TMEM71: variants seen among roughly 807,000 people sequenced by gnomAD.
The protein encoded by TMEM71 is transmembrane protein 71.
A neutral mutation model predicts 38.0 loss-of-function variants in TMEM71; 44 were observed. The observed-to-expected ratio is 1.16, with a 90% CI of 0.91 to 1.49. The LOEUF (loss-of-function observed/expected upper bound fraction) is 1.49. Among genes scored for constraint, TMEM71 ranks in the 40% most tolerant of loss-of-function variants. The pLI is 0.00. For missense variants in TMEM71, 367 were observed against 348.6 expected (o/e 1.05, Z -0.42); for synonymous variants, 133 against 122.5 (o/e 1.09, Z -0.56).
At chr8:132,742,730 G>A (rs1010125894) in intron 5 of TMEM71, among the ~76,000 whole-genome samples, 2 of 152,108 alleles carry the variant, frequency 1.3e-5, no homozygotes, top group Admixed American at 6.5e-5. Context: ...ATAACATATC[G>A]AAGTAGACCT....
chr8:132,737,197 T>C (rs918422840), intron 5 of TMEM71, among the ~76,000 whole-genome samples: 4 of 152,296 alleles, frequency 2.6e-5, no homozygotes, highest in African/African-American at 9.6e-5. Context: ...GGCCTCCCTG[T>C]GACTATACTA....
At chr8:132,720,286 T>G (rs1826768124) in intron 7 of TMEM71, among the ~76,000 whole-genome samples, 1 of 152,164 alleles carries the variant, frequency 6.6e-6, no homozygotes, top group Non-Finnish European at 1.5e-5. Flanking sequence ...GGATTAAGAG[T>G]TAAGCTCCGC....
intron 6 of TMEM71, among the ~76,000 whole-genome samples, chr8:132,725,740 C>A (rs182291899): frequency 6.6e-6 from 1 of 152,036 alleles, no homozygotes; most frequent in African/African-American, 2.4e-5. Context: ...GGAATCAAGG[C>A]GAAGTGAAGC....
chr8:132,722,448 C>T (rs1826910329), intron 6 of TMEM71, among the ~76,000 whole-genome samples: 1 of 152,180 alleles, frequency 6.6e-6, no homozygotes, highest in Admixed American at 6.5e-5. Flanking sequence ...CTAATTCTGT[C>T]ATTGTGATAA....
Position 132,741,536 on chromosome 8 carries a change from G to T in TMEM71, c.487+5406C>A, listed in dbSNP as rs897733623. Among the ~76,000 whole-genome samples, 52 of 151,040 alleles carry T rather than the reference G, an allele frequency of 3.4e-4. 2 individuals carry two copies. Among genetic ancestry groups the T allele is most frequent in the Non-Finnish European group, 1.2e-4 (8 of 67,528 alleles). Reference sequence around the variant, plus strand: ...GTAAAGAGTGTGAGTCATCTCCAATGATAGGTAAGGTCACGTGGGTCACGT... The same window carrying T: ...GTAAAGAGTGTGAGTCATCTCCAATTATAGGTAAGGTCACGTGGGTCACGT... On this transcript the variant is annotated intron_variant, in intron 5 of 9. Transcript: ENST00000677595.
At chr8:132,754,459 C>A (rs1320672491) in intron 3 of TMEM71, among the ~76,000 whole-genome samples, 1 of 152,168 alleles carries the variant, frequency 6.6e-6, no homozygotes, top group Non-Finnish European at 1.5e-5. Context: ...TGGTTTCAAT[C>A]CTGGCTCTAC....
the TMEM71 span, among the ~76,000 whole-genome samples, chr8:132,766,979 A>G: frequency 6.6e-6 from 1 of 152,196 alleles, no homozygotes; most frequent in Non-Finnish European, 1.5e-5. Flanking sequence ...ATACCAGAAC[A>G]GAGATGGAGT....
chr8:132,713,586 G>A (rs1227573605), intron 9 of TMEM71, among the ~76,000 whole-genome samples: 3 of 152,134 alleles, frequency 2.0e-5, no homozygotes, highest in Non-Finnish European at 4.4e-5. Flanking sequence ...CACACAAGGG[G>A]ATCATTAAAT....
intron 5 of TMEM71, among the ~76,000 whole-genome samples, chr8:132,728,448 T>C (rs1044565564): frequency 6.6e-6 from 1 of 152,194 alleles, no homozygotes; most frequent in East Asian, 1.9e-4. Flanking sequence ...CATGATTCAA[T>C]ACCCTCCCAC....
At chr8:132,731,757 A>G (rs536617071) in intron 5 of TMEM71, among the ~76,000 whole-genome samples, 1 of 152,318 alleles carries the variant, frequency 6.6e-6, no homozygotes, top group South Asian at 2.1e-4. Flanking sequence ...CAAGAAGGTG[A>G]TTTTTACCAT....
At position 132,722,026 on chromosome 8, in the gene TMEM71, A is replaced by G; in HGVS notation, c.752+14T>C. 6.2e-7 allele frequency: 1 copy of G among 1,609,380 alleles called. No individual in the cohort carries two copies. Among genetic ancestry groups the G allele is most frequent in the Non-Finnish European group, 8.5e-7 (1 of 1,175,602 alleles). ...TTATGAAATACCGCTGCATGAAAAT[A>G]AAACGTGAATTACCTTGCACATGCA... On this transcript the variant is annotated intron_variant, in intron 7 of 9. Transcript: ENST00000677595.
intron 2 of TMEM71, among the ~76,000 whole-genome samples, chr8:132,757,825 CAAAAAAA>C (rs56859505): frequency 1.9e-5 from 2 of 107,176 alleles, no homozygotes; most frequent in African/African-American, 3.8e-5. Flanking sequence ...GATTCTGTCT[CAAAAAAA>C]AAAAAAAAAA....
chr8:132,708,875 C>A (rs1273244356), downstream of TMEM71, among the ~76,000 whole-genome samples: 1 of 152,098 alleles, frequency 6.6e-6, no homozygotes, highest in Non-Finnish European at 1.5e-5. Flanking sequence ...AGGAGGGGGC[C>A]AGGGGCCAGG....
At chr8:132,729,407 T>C (rs1827327386) in intron 5 of TMEM71, among the ~76,000 whole-genome samples, 1 of 152,240 alleles carries the variant, frequency 6.6e-6, no homozygotes, top group Non-Finnish European at 1.5e-5. Flanking sequence ...CTGTGTCACA[T>C]TCCAGGGTTT....
At chr8:132,714,994 A>G (rs184899747) in intron 7 of TMEM71, among the ~76,000 whole-genome samples, 30 of 152,180 alleles carry the variant, frequency 2.0e-4, no homozygotes, top group African/African-American at 7.2e-4. Flanking sequence ...CAGTAATGCA[A>G]ATTAAAACAG....
chr8:132,715,734 G>C (rs1320292087), intron 7 of TMEM71, among the ~76,000 whole-genome samples: 1 of 152,146 alleles, frequency 6.6e-6, no homozygotes, highest in Admixed American at 6.5e-5. Context: ...CCATACAATG[G>C]AATATGATTC....
the TMEM71 span, chr8:132,775,608 G>C: frequency 2.9e-6 from 1 of 344,866 alleles, no homozygotes; most frequent in Non-Finnish European, 5.2e-6. Flanking sequence ...GCTCGGCCCC[G>C]GACGGCCCGG....
intron 6 of TMEM71, among the ~76,000 whole-genome samples, chr8:132,724,497 T>C (rs1407762855): frequency 6.6e-6 from 1 of 152,200 alleles, no homozygotes; most frequent in Non-Finnish European, 1.5e-5. Context: ...TAGCTGTTTT[T>C]GCCCGACCCC....
chr8:132,739,207 T>C (rs1827907324), intron 5 of TMEM71, among the ~76,000 whole-genome samples: 1 of 152,258 alleles, frequency 6.6e-6, no homozygotes. Flanking sequence ...AGGGACATGA[T>C]GGATTTCTCC....
Sources: gnomAD v4.1 joint callset for allele counts (sites outside exome capture counted in the v4.1 genomes callset) on GRCh38, gnomAD v4.1.1 for gene constraint, MANE v1.5 for transcripts, NCBI Gene and HGNC (gene_info 2026-07-23, HGNC 2026-07-21) for gene names.